Variants in OSBPL6 observed in about 807,000 individuals in gnomAD.
OSBPL6 encodes the protein oxysterol-binding protein-related protein 6.
Under a neutral mutation model 125.8 loss-of-function variants are expected in OSBPL6, and 49 were observed. The observed-to-expected ratio is 0.39, with a 90% CI of 0.31 to 0.49. The LOEUF is 0.49. Among genes scored for constraint, OSBPL6 ranks in the 20% least tolerant of loss-of-function variants. The pLI is 0.88. For synonymous variants in OSBPL6, 394 were observed against 391.8 expected, an observed-to-expected ratio of 1.01 and a Z score of -0.07; for missense variants, 986 against 1,135.4, an observed-to-expected ratio of 0.87 and a Z score of 1.89.
intron 2 of OSBPL6, among the ~76,000 whole-genome samples, chr2:178,305,087 C>G (rs1196996878): frequency 1.3e-5 from 2 of 152,174 alleles, no homozygotes; most frequent in Admixed American, 1.3e-4. Context: ...TGCTAACAAG[C>G]CTACACAAGT....
chr2:178,383,312 G>A, intron 17 of OSBPL6, 35 bp downstream of exon 17: 3 of 1,602,850 alleles, frequency 1.9e-6, no homozygotes, highest in South Asian at 1.1e-5. Context: ...GCCCCTCAGG[G>A]ATTTGCCAAC....
rs1230514688 is a variant in OSBPL6, at chr2:178,396,885, G to A, written c.*1326G>A. 6.6e-6 allele frequency: 1 copy of A among 152,092 alleles called. No homozygotes were observed. Among genetic ancestry groups the A allele is most frequent in the African/African-American group, 2.4e-5 (1 of 41,418 alleles). The allele number at this position is 152,092 out of a possible 1,614,324, so 9.4% of individuals were successfully genotyped here. A position where few individuals can be genotyped will look rare whatever the true frequency, so the allele number is the denominator to read the frequency against. The stretch of plus-strand genomic sequence containing the variant: ...AGGCTTTTGCAGAAAACTTGCATCA[G>A]TATTCCTGTTTCTGCACGTAGGTGA... On this transcript the variant is annotated 3_prime_UTR_variant, in exon 25 of 25. Transcript: ENST00000190611.
chr2:178,386,670 A>G (rs1055144911), intron 19 of OSBPL6, among the ~76,000 whole-genome samples: 6 of 152,064 alleles, frequency 3.9e-5, no homozygotes, highest in Admixed American at 3.9e-4. Context: ...CTGTCTGGAC[A>G]TTAAAGCACA....
intron 3 of OSBPL6, among the ~76,000 whole-genome samples, chr2:178,318,367 A>C (rs1343308509): frequency 6.6e-6 from 1 of 152,050 alleles, no homozygotes; most frequent in East Asian, 1.9e-4. Flanking sequence ...TTTTTCAGCC[A>C]CTGTTTCTAA....
At position 178,391,111 on chromosome 2, in the gene OSBPL6, G is replaced by A. The variant is rs768993935; in HGVS notation, c.2340G>A (p.Gly780=). Residue 780 remains glycine (G), a synonymous_variant, in exon 22 of 25, where the codon GGG becomes GGA. Coordinates refer to ENST00000190611, the MANE Select transcript of OSBPL6 (RefSeq NM_032523.4). ...ATTCTAACATGAATGAAGTCCAGGG[G>A]GTGGTGATAGATCAGGAGGGGAAGG... is the stretch of plus-strand genomic sequence containing the variant. ...YWNSNMNEVQ[G]VVIDQEGKAV... is the part of the protein sequence containing the mutation. The A allele has an allele frequency of 6.2e-7, 1 of 1,613,942 alleles. No individual in the cohort carries two copies. Among genetic ancestry groups the A allele is most frequent in the Admixed American group, 1.7e-5 (1 of 59,970 alleles).
chr2:178,384,328 T>C lies in OSBPL6; in HGVS notation c.2013+152T>C, dbSNP rs918136625. 423 of 1,118,968 alleles carry C rather than the reference T, an allele frequency of 3.8e-4. 1 individual carries two copies. Among genetic ancestry groups the C allele is most frequent in the East Asian group, 1.7e-3 (71 of 41,876 alleles). 69.3% of individuals were successfully genotyped at this position (1,118,968 alleles called of 1,614,324 possible). A position where few individuals can be genotyped will look rare whatever the true frequency, so the allele number is the denominator to read the frequency against. On this transcript the variant is annotated intron_variant, in intron 18 of 24. Transcript: ENST00000190611. ...GACAGGTCTTAATCAGTTTAGAAAG[T>C]TTATTTTGCCAAGGTTAAGGACACA...
intron 19 of OSBPL6, among the ~76,000 whole-genome samples, chr2:178,385,874 T>G (rs562715781): frequency 1.3e-4 from 20 of 152,218 alleles, no homozygotes; most frequent in Non-Finnish European, 2.5e-4. Flanking sequence ...TGCAAAGACA[T>G]TTTAATTCTG....
chr2:178,304,928 G>A (rs1160019777), intron 2 of OSBPL6, among the ~76,000 whole-genome samples: 4 of 152,158 alleles, frequency 2.6e-5, no homozygotes, highest in Non-Finnish European at 5.9e-5. Context: ...GTTCACCTCA[G>A]TCACTGTCTT....
chr2:178,366,590 G>T (rs376061760), intron 13 of OSBPL6, among the ~76,000 whole-genome samples: 74 of 152,298 alleles, frequency 4.9e-4, no homozygotes, highest in African/African-American at 1.8e-3. Context: ...GGGGGGAAAT[G>T]TGCATCTTAG....
intron 3 of OSBPL6, among the ~76,000 whole-genome samples, chr2:178,312,304 G>C (rs1687355325): frequency 6.6e-6 from 1 of 150,954 alleles, no homozygotes; most frequent in African/African-American, 2.4e-5. Flanking sequence ...TGGGATTACA[G>C]GTGCACCACC....
At chr2:178,304,422 C>G (rs1686573303) in intron 2 of OSBPL6, among the ~76,000 whole-genome samples, 1 of 152,070 alleles carries the variant, frequency 6.6e-6, no homozygotes, top group Non-Finnish European at 1.5e-5. Flanking sequence ...AGGAGAAAGC[C>G]CCTTACAAAA....
At chr2:178,387,875 G>A (rs1218948588) in intron 20 of OSBPL6, among the ~76,000 whole-genome samples, 1 of 151,934 alleles carries the variant, frequency 6.6e-6, no homozygotes, top group Non-Finnish European at 1.5e-5. Context: ...GTGGTGGCGG[G>A]CGCCTATAAT....
chr2:178,391,300 C>A, intron 22 of OSBPL6, 83 bp downstream of exon 22: 1 of 1,384,456 alleles, frequency 7.2e-7, no homozygotes, highest in South Asian at 1.7e-5. Flanking sequence ...TCTTATGCAA[C>A]TCACATTATG....
At chr2:178,259,463 A>C (rs1029681889) in intron 1 of OSBPL6, among the ~76,000 whole-genome samples, 1 of 105,238 alleles carries the variant, frequency 9.5e-6, no homozygotes, top group Non-Finnish European at 2.0e-5. Context: ...AAATTACTGT[A>C]CCCAGAGCTT....
At chr2:178,361,356 C>G (rs972198479) in intron 12 of OSBPL6, among the ~76,000 whole-genome samples, 2 of 152,132 alleles carry the variant, frequency 1.3e-5, no homozygotes, top group Non-Finnish European at 2.9e-5. Context: ...AAACTTGTTC[C>G]CTATTCTTTC....
chr2:178,353,890 A>G (rs762972373), intron 12 of OSBPL6, among the ~76,000 whole-genome samples: 4 of 152,230 alleles, frequency 2.6e-5, no homozygotes, highest in African/African-American at 9.6e-5. Flanking sequence ...CTAACAGTGG[A>G]TCTCTCAGCA....
At chr2:178,283,336 A>G (rs1684396996) in intron 1 of OSBPL6, among the ~76,000 whole-genome samples, 1 of 152,068 alleles carries the variant, frequency 6.6e-6, no homozygotes, top group Admixed American at 6.6e-5. Context: ...TAGAATATGT[A>G]TGTATGTATA....
chr2:178,391,912 TGGCTGTACATCA>T (rs1158661909), intron 22 of OSBPL6, among the ~76,000 whole-genome samples: 1 of 152,242 alleles, frequency 6.6e-6, no homozygotes, highest in Non-Finnish European at 1.5e-5. Flanking sequence ...TATTGAGTGC[TGGCTGTACATCA>T]GGCTTTATTC....
intron 11 of OSBPL6, chr2:178,344,346 G>C (rs1172525833): frequency 6.2e-7 from 1 of 1,614,138 alleles, no homozygotes. Context: ...GCTAGCGGCA[G>C]CAGTGGCTAC....
Sources: gnomAD v4.1 joint callset for allele counts (sites outside exome capture counted in the v4.1 genomes callset) on GRCh38, gnomAD v4.1.1 for gene constraint, MANE v1.5 for transcripts, NCBI Gene and HGNC (gene_info 2026-07-23, HGNC 2026-07-21) for gene names.